The following ZMYND11 variants were observed in gnomAD, a reference collection of about 807,000 sequenced individuals.
The protein encoded by ZMYND11 is zinc finger MYND-type containing 11, also known as zinc finger MYND domain-containing protein 11.
A neutral mutation model predicts 84.9 loss-of-function variants in ZMYND11; 9 were observed. That is an observed-to-expected ratio of 0.11 (90% CI 0.06 to 0.18). The LOEUF is 0.18. Among genes scored for constraint, ZMYND11 ranks in the 10% least tolerant of loss-of-function variants. The pLI, the probability that ZMYND11 is intolerant of heterozygous loss-of-function variation, is 1.00. For synonymous variants in ZMYND11, 250 were observed against 244.1 expected (o/e 1.02, Z -0.23); for missense variants, 409 against 761.0 (o/e 0.54, Z 5.44).
intron 1 of ZMYND11, among the ~76,000 whole-genome samples, chr10:163,770 C>T (rs948955118): frequency 8.5e-5 from 13 of 152,050 alleles, no homozygotes; most frequent in Middle Eastern, 3.2e-3. Context: ...TGTCTGTTCA[C>T]ATTTAAGGGT....
chr10:222,919 T>A (rs916866612), intron 4 of ZMYND11, among the ~76,000 whole-genome samples: 19 of 152,230 alleles, frequency 1.2e-4, no homozygotes, highest in African/African-American at 4.1e-4. Context: ...TTGTATTTCT[T>A]ATGGTAAGAA....
intron 1 of ZMYND11, among the ~76,000 whole-genome samples, chr10:151,541 G>C (rs1247150701): frequency 1.3e-5 from 2 of 152,204 alleles, no homozygotes; most frequent in African/African-American, 4.8e-5. Flanking sequence ...AATGAGCAAA[G>C]TCTTCGAGAA....
intron 1 of ZMYND11, among the ~76,000 whole-genome samples, chr10:143,750 A>G (rs1050995906): frequency 6.6e-6 from 1 of 152,174 alleles, no homozygotes; most frequent in Non-Finnish European, 1.5e-5. Context: ...CACAATACTT[A>G]TTTTACCAGT....
chr10:170,279 G>A (rs1844982523), intron 1 of ZMYND11, among the ~76,000 whole-genome samples: 1 of 152,042 alleles, frequency 6.6e-6, no homozygotes, highest in African/African-American at 2.4e-5. Context: ...TCAGAAAGAA[G>A]GCAAATTATT....
chr10:239,588 C>T, intron 7 of ZMYND11, 63 bp downstream of exon 7: 4 of 1,122,256 alleles, frequency 3.6e-6, no homozygotes, highest in Non-Finnish European at 5.3e-6. Flanking sequence ...CCATGTTGAA[C>T]ACTATCTTTT....
At chr10:209,171 TATTAACATGAGTTGAATATAGTTGG>T (rs1399948751) in intron 2 of ZMYND11, among the ~76,000 whole-genome samples, 1 of 152,198 alleles carries the variant, frequency 6.6e-6, no homozygotes, top group African/African-American at 2.4e-5. Context: ...ATATGCCGAA[TATTAACATGAGTTGAATATAGTTGG>T]TGAATACAAG....
intron 14 of ZMYND11, among the ~76,000 whole-genome samples, chr10:251,997 G>A (rs1008949139): frequency 3.3e-5 from 5 of 152,190 alleles, no homozygotes; most frequent in African/African-American, 1.2e-4. Context: ...GTTTAGGCAA[G>A]TCTTTCAAGG....
intron 4 of ZMYND11, among the ~76,000 whole-genome samples, chr10:236,490 A>G (rs1949992418): frequency 6.6e-6 from 1 of 152,240 alleles, no homozygotes; most frequent in African/African-American, 2.4e-5. Context: ...TGTTCCCTCA[A>G]AGGACTTAGG....
At chr10:184,612 C>T (rs1848550228) in intron 2 of ZMYND11, among the ~76,000 whole-genome samples, 1 of 151,924 alleles carries the variant, frequency 6.6e-6, no homozygotes. Context: ...CATGTCTTTT[C>T]TCATGTGTTG....
chr10:194,614 C>T (rs546974506), intron 2 of ZMYND11, among the ~76,000 whole-genome samples: 13 of 152,084 alleles, frequency 8.5e-5, no homozygotes, highest in Non-Finnish European at 1.6e-4. Flanking sequence ...CGAGTCATTC[C>T]GCTCGATTTA....
At chr10:233,568 A>G (rs1300506164) in intron 4 of ZMYND11, among the ~76,000 whole-genome samples, 1 of 152,198 alleles carries the variant, frequency 6.6e-6, no homozygotes, top group East Asian at 1.9e-4. Flanking sequence ...GGTAGTTATG[A>G]AGGTAATATC....
intron 1 of ZMYND11, among the ~76,000 whole-genome samples, chr10:146,429 T>C (rs1306146993): frequency 1.3e-5 from 2 of 152,222 alleles, no homozygotes; most frequent in Admixed American, 6.5e-5. Flanking sequence ...TTGATAGGAA[T>C]TGCATTGAAT....
intron 4 of ZMYND11, among the ~76,000 whole-genome samples, chr10:223,838 C>T (rs1263178966): frequency 6.6e-6 from 1 of 151,870 alleles, no homozygotes; most frequent in East Asian, 1.9e-4. Context: ...TGAGTAAAGC[C>T]GTTTTTTAGG....
At chr10:250,654 G>C (rs548525072) in intron 14 of ZMYND11, among the ~76,000 whole-genome samples, 48 of 152,306 alleles carry the variant, frequency 3.2e-4, no homozygotes, top group African/African-American at 9.9e-4. Context: ...TGAAGAATTT[G>C]AGGCTTATGA....
intron 4 of ZMYND11, among the ~76,000 whole-genome samples, chr10:233,340 C>G (rs1356647587): frequency 6.6e-6 from 1 of 152,178 alleles, no homozygotes; most frequent in Non-Finnish European, 1.5e-5. Context: ...GCTCTTGTCC[C>G]TGGGCCAGTA....
chr10:176,535 G>T (rs191645441), intron 1 of ZMYND11, among the ~76,000 whole-genome samples: 1 of 152,206 alleles, frequency 6.6e-6, no homozygotes, highest in East Asian at 1.9e-4. Context: ...GGTTTAGTAT[G>T]TTCAAAATTG....
rs1843570142 is a variant in ZMYND11 at position 164,523 on chromosome 10, G to A, written c.-19-15471G>A. On this transcript the variant is annotated intron_variant, in intron 1 of 14. Transcript: ENST00000381604. Reference sequence around the variant, plus strand: ...CTGACCAGAGCAGCCACCAATTGGGGATTGCCATTACCCATAGTATAAAGA... The same window carrying A: ...CTGACCAGAGCAGCCACCAATTGGGAATTGCCATTACCCATAGTATAAAGA... Among the ~76,000 whole-genome samples the A allele has an allele frequency of 2.0e-5, 3 of 152,260 alleles. No homozygotes were observed. The South Asian group carries it at 6.2e-4, about 32-fold the overall frequency.
rs1380745692 is a variant in ZMYND11, at chr10:252,482, C to G, written c.*12C>G. On this transcript the variant is annotated 3_prime_UTR_variant, in exon 15 of 15. Coordinates refer to ENST00000381604, the MANE Select transcript of ZMYND11 (RefSeq NM_001370100.5). This position sits in a 1 kb window ranked among gnomAD's most constrained non-coding sequence, Gnocchi z 4.6. Reference sequence around the variant, plus strand: ...GCCGGAAAAGATGAAGCTGGCCCTTCCCGGAGTCACCCCGATGATTACTCT... The same window carrying G: ...GCCGGAAAAGATGAAGCTGGCCCTTGCCGGAGTCACCCCGATGATTACTCT... 4.4e-6 allele frequency: 7 copies of G among 1,606,224 alleles called. No individual in the cohort carries two copies. The South Asian group carries it at 6.6e-5, about 15-fold the overall frequency.
chr10:144,361 G>A (rs1838206101), intron 1 of ZMYND11, among the ~76,000 whole-genome samples: 1 of 152,080 alleles, frequency 6.6e-6, no homozygotes, highest in South Asian at 2.1e-4. Context: ...TGGGACTATA[G>A]GCGCATGCCA....
Sources: gnomAD v4.1 joint callset for allele counts (sites outside exome capture counted in the v4.1 genomes callset) on GRCh38, gnomAD v4.1.1 for gene constraint, Gnocchi (gnomAD v3.1) non-coding constraint, MANE v1.5 for transcripts, NCBI Gene and HGNC (gene_info 2026-07-23, HGNC 2026-07-21) for gene names.